The following TMEM132D variants were observed in gnomAD, a reference collection of about 807,000 sequenced individuals.
TMEM132D encodes transmembrane protein 132D, also known as mature OL transmembrane protein.
TMEM132D carries 21 observed loss-of-function variants against 62.3 expected under a neutral mutation model. The ratio of observed to expected loss-of-function variants is 0.34; its 90% CI spans 0.24 to 0.49. The LOEUF is 0.49. Among genes scored for constraint, TMEM132D ranks in the 20% least tolerant of loss-of-function variants. The pLI is 0.99. For missense variants in TMEM132D, 1,346 were observed against 1,402.8 expected, an observed-to-expected ratio of 0.96 and a Z score of 0.65; for synonymous variants, 621 against 575.6, an observed-to-expected ratio of 1.08 and a Z score of -1.13.
intron 5 of TMEM132D, among the ~76,000 whole-genome samples, chr12:129,188,763 G>C (rs112359262): frequency 2.3e-3 from 2 of 872 alleles, no homozygotes; most frequent in African/African-American, 4.0e-3. Flanking sequence ...GGGAGAGAGG[G>C]AGAGAGAGAG....
intron 1 of TMEM132D, among the ~76,000 whole-genome samples, chr12:129,702,523 C>T (rs1881407069): frequency 6.6e-6 from 1 of 152,200 alleles, no homozygotes; most frequent in South Asian, 2.1e-4. Context: ...ATTTGCCTAG[C>T]CACAGTTCTG....
At chr12:129,731,407 AG>A (rs148625519) in intron 1 of TMEM132D, among the ~76,000 whole-genome samples, 3,721 of 152,264 alleles carry the variant, frequency 0.024, 68 homozygotes, top group Middle Eastern at 0.037. Context: ...TATGGGGGAC[AG>A]GGGGAAGAGG....
chr12:129,505,521 G>T (rs1486970317), intron 3 of TMEM132D, among the ~76,000 whole-genome samples: 1 of 152,192 alleles, frequency 6.6e-6, no homozygotes, highest in Non-Finnish European at 1.5e-5. Flanking sequence ...GGGATTACAG[G>T]CATGAGCCAC....
intron 3 of TMEM132D, among the ~76,000 whole-genome samples, chr12:129,525,422 G>A (rs1322270012): frequency 1.3e-5 from 2 of 151,732 alleles, no homozygotes; most frequent in Non-Finnish European, 2.9e-5. Context: ...TACAGGCTCG[G>A]TATACCACTA....
chr12:129,160,875 A>G lies in TMEM132D; in HGVS notation c.1443+48645T>C, dbSNP rs149816876. Reference sequence around the variant, plus strand: ...TCATGTGTGGGTGACCAAGATGACGATGATTCCATTTAAAGAAATTTCAGG... The same window carrying G: ...TCATGTGTGGGTGACCAAGATGACGGTGATTCCATTTAAAGAAATTTCAGG... On this transcript the variant is annotated intron_variant, in intron 5 of 8. Coordinates refer to ENST00000422113, the MANE Select transcript of TMEM132D (RefSeq NM_133448.3). Among the ~76,000 whole-genome samples, 765 of 152,318 alleles carry G rather than the reference A, an allele frequency of 5.0e-3. 7 individuals are homozygous for G. The highest frequency in any genetic ancestry group is 0.017 in the African/African-American group (689 of 41,568).
chr12:129,734,943 T>C (rs959392008), intron 1 of TMEM132D, among the ~76,000 whole-genome samples: 2 of 152,020 alleles, frequency 1.3e-5, no homozygotes, highest in African/African-American at 4.8e-5. Flanking sequence ...CTGATAATCA[T>C]AGAAACAAAA....
chr12:129,815,940 A>G (rs1486332759), intron 1 of TMEM132D, among the ~76,000 whole-genome samples: 1 of 152,154 alleles, frequency 6.6e-6, no homozygotes, highest in Non-Finnish European at 1.5e-5. Flanking sequence ...AGCCCGGGAA[A>G]CCTTTAATTG....
intron 3 of TMEM132D, among the ~76,000 whole-genome samples, chr12:129,524,779 C>T (rs565060301): frequency 5.9e-5 from 9 of 151,718 alleles, no homozygotes; most frequent in South Asian, 2.1e-4. Context: ...TCTGTTCTTC[C>T]GGGAGGCGGA....
chr12:129,358,182 G>T (rs771837407), intron 3 of TMEM132D, among the ~76,000 whole-genome samples: 8 of 152,120 alleles, frequency 5.3e-5, no homozygotes, highest in Non-Finnish European at 8.8e-5. Context: ...CAACTGGAAA[G>T]GTTGTAGCTT....
intron 2 of TMEM132D, among the ~76,000 whole-genome samples, chr12:129,638,206 C>A (rs1019589677): frequency 6.6e-6 from 1 of 152,256 alleles, no homozygotes; most frequent in Non-Finnish European, 1.5e-5. Flanking sequence ...TGTCCTTACC[C>A]GTTTTATTAA....
chr12:129,736,849 C>T (rs934480956), intron 1 of TMEM132D, among the ~76,000 whole-genome samples: 2 of 146,018 alleles, frequency 1.4e-5, no homozygotes, highest in African/African-American at 5.1e-5. Flanking sequence ...CAGAGTTTTC[C>T]TCTGTCACCC....
chr12:129,682,402 C>T (rs1451904), intron 2 of TMEM132D, among the ~76,000 whole-genome samples: 3 of 151,990 alleles, frequency 2.0e-5, no homozygotes, highest in African/African-American at 4.8e-5. Flanking sequence ...GAAAGTGTCA[C>T]GACAGGTGCC....
chr12:129,172,595 T>C (rs1319070934), intron 5 of TMEM132D, among the ~76,000 whole-genome samples: 1 of 152,182 alleles, frequency 6.6e-6, no homozygotes, highest in Non-Finnish European at 1.5e-5. Flanking sequence ...TTTTCTTTTT[T>C]GAGATAGAGT....
intron 4 of TMEM132D, 82 bp downstream of exon 4, chr12:129,337,552 C>A: frequency 6.5e-7 from 1 of 1,547,664 alleles, no homozygotes; most frequent in Non-Finnish European, 8.8e-7. Context: ...CTTTTCCCCA[C>A]CCAGCCTGGG....
At chr12:129,881,691 A>G (rs2137386110) in intron 1 of TMEM132D, among the ~76,000 whole-genome samples, 1 of 152,156 alleles carries the variant, frequency 6.6e-6, no homozygotes, top group African/African-American at 2.4e-5. Context: ...GTAAGTAGAA[A>G]AGTCTCAAAA....
intron 1 of TMEM132D, among the ~76,000 whole-genome samples, chr12:129,715,377 C>T (rs1022916414): frequency 1.3e-5 from 2 of 152,166 alleles, no homozygotes; most frequent in Non-Finnish European, 2.9e-5. Flanking sequence ...GGTGCCTTAT[C>T]GTTTCACGGG....
intron 4 of TMEM132D, among the ~76,000 whole-genome samples, chr12:129,255,603 A>C (rs1880379318): frequency 6.6e-6 from 1 of 152,124 alleles, no homozygotes; most frequent in Non-Finnish European, 1.5e-5. Flanking sequence ...TGGTACATAA[A>C]ATATTTTGTT....
At chr12:129,839,063 T>A (rs1481272943) in intron 1 of TMEM132D, among the ~76,000 whole-genome samples, 1 of 146,190 alleles carries the variant, frequency 6.8e-6, no homozygotes, top group Non-Finnish European at 1.5e-5. Flanking sequence ...AGATTCTCCT[T>A]CCTCGGCTTC....
At chr12:129,798,090 A>G (rs1166299278) in intron 1 of TMEM132D, among the ~76,000 whole-genome samples, 1 of 152,174 alleles carries the variant, frequency 6.6e-6, no homozygotes. Context: ...CACTCTTGCC[A>G]TGTGATGTAC....
Sources: gnomAD v4.1 joint callset for allele counts (sites outside exome capture counted in the v4.1 genomes callset) on GRCh38, gnomAD v4.1.1 for gene constraint, MANE v1.5 for transcripts, NCBI Gene and HGNC (gene_info 2026-07-23, HGNC 2026-07-21) for gene names.